CPA6: variants seen among roughly 807,000 people sequenced by gnomAD.
CPA6 encodes the protein carboxypeptidase A6, also known as carboxypeptidase B.
Under a neutral mutation model 63.3 loss-of-function variants are expected in CPA6, and 58 were observed. That is an observed-to-expected ratio of 0.92 (90% CI 0.74 to 1.14). CPA6 has a LOEUF of 1.14. Ranked by LOEUF, CPA6 falls within the 50% of genes most tolerant of loss-of-function variation. The pLI is 0.00. For synonymous variants in CPA6, 185 were observed against 179.0 expected (o/e 1.03, Z -0.27); for missense variants, 565 against 526.6 (o/e 1.07, Z -0.71).
intron 2 of CPA6, among the ~76,000 whole-genome samples, chr8:67,554,429 A>C (rs147936025): frequency 1.3e-5 from 2 of 152,276 alleles, no homozygotes; most frequent in African/African-American, 4.8e-5. Context: ...ACCAAGAGGA[A>C]ACAGCTAAAC....
chr8:67,571,513 A>G (rs959622274), intron 2 of CPA6, among the ~76,000 whole-genome samples: 3 of 152,214 alleles, frequency 2.0e-5, no homozygotes, highest in Non-Finnish European at 2.9e-5. Flanking sequence ...TTTTTCAACC[A>G]TAACGGTATG....
intron 1 of CPA6, among the ~76,000 whole-genome samples, chr8:67,689,555 T>C (rs746138889): frequency 6.6e-6 from 1 of 152,204 alleles, no homozygotes; most frequent in African/African-American, 2.4e-5. Flanking sequence ...ATTAATTTGT[T>C]TAGGATAATC....
At chr8:67,524,209 A>G (rs1424385483) in intron 2 of CPA6, among the ~76,000 whole-genome samples, 1 of 152,166 alleles carries the variant, frequency 6.6e-6, no homozygotes, top group African/African-American at 2.4e-5. Context: ...AGTTTAGGTC[A>G]AGGTATGTTT....
chr8:67,475,779 TTC>T (rs1563967253), intron 8 of CPA6, among the ~76,000 whole-genome samples: 3 of 61,992 alleles, frequency 4.8e-5, no homozygotes, highest in Admixed American at 1.6e-4. Context: ...CTTTCTTTCT[TTC>T]TTTCTTTCTT....
chr8:67,587,361 G>A (rs1564011788), intron 2 of CPA6, among the ~76,000 whole-genome samples: 3 of 152,082 alleles, frequency 2.0e-5, no homozygotes, highest in African/African-American at 7.2e-5. Flanking sequence ...TGCCTGTTGG[G>A]GATCAGTATC....
chr8:67,613,502 T>G (rs540286050), intron 2 of CPA6, among the ~76,000 whole-genome samples: 1 of 152,306 alleles, frequency 6.6e-6, no homozygotes, highest in East Asian at 1.9e-4. Context: ...GTGGACAAAT[T>G]GCTACAGTGT....
intron 2 of CPA6, among the ~76,000 whole-genome samples, chr8:67,623,889 C>T (rs1379694139): frequency 6.6e-6 from 1 of 152,048 alleles, no homozygotes; most frequent in African/African-American, 2.4e-5. Flanking sequence ...GAAACCCCGT[C>T]TCTACTAAGA....
At chr8:67,593,550 T>G (rs1292254004) in intron 2 of CPA6, among the ~76,000 whole-genome samples, 1 of 152,208 alleles carries the variant, frequency 6.6e-6, no homozygotes, top group Non-Finnish European at 1.5e-5. Context: ...GAGGACTTAC[T>G]TTATGAATCT....
chr8:67,507,249 G>T lies in CPA6; in HGVS notation c.535-361C>A, dbSNP rs535271323. Among the ~76,000 whole-genome samples, 8 of 152,090 alleles carry T rather than the reference G, an allele frequency of 5.3e-5. No homozygotes were observed. In the South Asian group the frequency reaches 1.7e-3, roughly 32 times the overall value. Reference sequence around the variant, plus strand: ...TGAACTCCTGGTCTCTTGCAATCCTGCTGGCTCAGCCTGCTTCTTCATTGT... The same window carrying T: ...TGAACTCCTGGTCTCTTGCAATCCTTCTGGCTCAGCCTGCTTCTTCATTGT... On this transcript the variant is annotated intron_variant, in intron 5 of 10. Coordinates refer to ENST00000297770, the MANE Select transcript of CPA6 (RefSeq NM_020361.5).
chr8:67,746,223 G>C lies in CPA6; in HGVS notation c.-94C>G. The C allele has an allele frequency of 1.3e-6, 1 of 788,460 alleles. No homozygotes were observed. Among genetic ancestry groups the C allele is most frequent in the Non-Finnish European group, 2.0e-6 (1 of 506,616 alleles). 48.8% of individuals were successfully genotyped at this position (788,460 alleles called of 1,614,324 possible). A position where few individuals can be genotyped will look rare whatever the true frequency, so the allele number is the denominator to read the frequency against. On this transcript the variant is annotated 5_prime_UTR_variant, in exon 1 of 11. Coordinates refer to ENST00000297770, the MANE Select transcript of CPA6 (RefSeq NM_020361.5). ...CCTCTACACACCGCACAGGTTCTCC[G>C]GGAAGGGGGTGGGCGAGGAAGGTTG... is the stretch of plus-strand genomic sequence containing the variant.
At chr8:67,455,359 G>C (rs1810648176) in intron 8 of CPA6, among the ~76,000 whole-genome samples, 1 of 152,018 alleles carries the variant, frequency 6.6e-6, no homozygotes. Context: ...ATCAGTAGTG[G>C]GGGATGTCTC....
At chr8:67,631,417 C>A (rs997733090) in intron 1 of CPA6, among the ~76,000 whole-genome samples, 2 of 152,184 alleles carry the variant, frequency 1.3e-5, no homozygotes, top group South Asian at 4.1e-4. Flanking sequence ...CTGTGTCTAG[C>A]TCAAGGTTTG....
chr8:67,521,596 G>A (rs117834474), intron 2 of CPA6, among the ~76,000 whole-genome samples: 3,392 of 152,280 alleles, frequency 0.022, 55 homozygotes, highest in Middle Eastern at 0.041. Context: ...GAAAAGCTGA[G>A]GCTATTTGAA....
intron 1 of CPA6, among the ~76,000 whole-genome samples, chr8:67,627,746 T>C (rs912974114): frequency 6.6e-6 from 1 of 152,222 alleles, no homozygotes; most frequent in Non-Finnish European, 1.5e-5. Flanking sequence ...GCTTACATTT[T>C]GTTCCTTTGC....
intron 1 of CPA6, among the ~76,000 whole-genome samples, chr8:67,666,902 A>C (rs1204943823): frequency 6.6e-6 from 1 of 152,086 alleles, no homozygotes; most frequent in Non-Finnish European, 1.5e-5. Flanking sequence ...GAGAAATATT[A>C]GTTATTGCTA....
chr8:67,582,197 G>C (rs978460541), intron 2 of CPA6, among the ~76,000 whole-genome samples: 3 of 152,060 alleles, frequency 2.0e-5, no homozygotes, highest in East Asian at 1.9e-4. Flanking sequence ...ATCACGTAAG[G>C]GTGGCTTTGT....
chr8:67,448,308 AT>A (rs1356825983), intron 8 of CPA6, among the ~76,000 whole-genome samples: 2 of 152,140 alleles, frequency 1.3e-5, no homozygotes, highest in Admixed American at 1.3e-4. Context: ...CATTTTAGAC[AT>A]TTTAAATTTC....
intron 2 of CPA6, among the ~76,000 whole-genome samples, chr8:67,522,991 T>C (rs1503366): frequency 0.35 from 53,050 of 152,096 alleles, 9,243 homozygotes; most frequent in Middle Eastern, 0.48. Context: ...GTAGTAGTTA[T>C]TTTTGTTACC....
At chr8:67,694,371 C>T (rs1273769479) in intron 1 of CPA6, among the ~76,000 whole-genome samples, 1 of 152,192 alleles carries the variant, frequency 6.6e-6, no homozygotes, top group Non-Finnish European at 1.5e-5. Flanking sequence ...CAGCTCTTGG[C>T]CTGCTGCTGG....
Sources: gnomAD v4.1 joint callset for allele counts (sites outside exome capture counted in the v4.1 genomes callset) on GRCh38, gnomAD v4.1.1 for gene constraint, MANE v1.5 for transcripts, NCBI Gene and HGNC (gene_info 2026-07-23, HGNC 2026-07-21) for gene names.